Variants in SLC28A3 observed in about 807,000 individuals in gnomAD.
SLC28A3 encodes concentrative Na(+)-nucleoside cotransporter 3.
A neutral mutation model predicts 84.2 loss-of-function variants in SLC28A3; 68 were observed. That is an observed-to-expected ratio of 0.81 (90% CI 0.66 to 0.99). The LOEUF (loss-of-function observed/expected upper bound fraction) is 0.99. SLC28A3 is among the 50% of genes least tolerant of loss of function. SLC28A3 has a pLI of 0.00. For synonymous variants in SLC28A3, 267 were observed against 303.6 expected, an observed-to-expected ratio of 0.88 and a Z score of 1.25; for missense variants, 712 against 841.5, an observed-to-expected ratio of 0.85 and a Z score of 1.90.
In SLC28A3 at chr9:84,294,306, G is replaced by A. The variant is rs774547643; in HGVS notation, c.862-31C>T. The stretch of plus-strand genomic sequence containing the variant: ...GGGACAGAAACAAACATGGATTAAT[G>A]ATGGGTCCAGCTGCACCAGCAGGTT... On this transcript the variant is annotated intron_variant, in intron 8 of 17. Coordinates refer to ENST00000376238, the MANE Select transcript of SLC28A3 (RefSeq NM_001199633.2). 4 of 1,608,918 alleles carry A rather than the reference G, an allele frequency of 2.5e-6. No homozygotes were observed. In the South Asian group the frequency reaches 4.4e-5, roughly 18 times the overall value.
At chr9:84,344,690 TTA>T (rs1228390563), upstream of SLC28A3, among the ~76,000 whole-genome samples, 2 of 136,628 alleles carry the variant, frequency 1.5e-5, no homozygotes, top group African/African-American at 6.3e-5. Context: ...TCCACAATCT[TTA>T]TCTTAGCCTG....
rs140098992 is a variant in SLC28A3, at chr9:84,302,347, T to C, written c.377A>G (p.His126Arg). Reference protein sequence around the residue: ...MVISACVLNFHRALPLFVITV... With the variant: ...MVISACVLNFRRALPLFVITV... ...GATCACAAAAAGAGGAAGGGCTCTG[T>C]GAAAGTTCAGCACACAGGCCGAAAT... The change falls in exon 5 of 18, where the codon CAC (histidine) becomes CGC (arginine). Residue 126 changes from histidine to arginine, a missense_variant. His to Arg is a conservative substitution (Grantham distance 29, BLOSUM62 0). Transcript: ENST00000376238. 1 of 1,614,028 alleles carries C rather than the reference T, an allele frequency of 6.2e-7. No individual in the cohort carries two copies. Among genetic ancestry groups the C allele is most frequent in the Non-Finnish European group, 8.5e-7 (1 of 1,179,978 alleles).
At chr9:84,311,942 AT>A (rs1340493170) in intron 2 of SLC28A3, among the ~76,000 whole-genome samples, 2 of 152,174 alleles carry the variant, frequency 1.3e-5, no homozygotes, top group Non-Finnish European at 2.9e-5. Context: ...ATAGTTTTGC[AT>A]TTTCCAGAAT....
chr9:84,278,315 A>G lies in SLC28A3; in HGVS notation c.1979T>C (p.Ile660Thr), dbSNP rs772386846. 1.2e-6 allele frequency: 2 copies of G among 1,614,022 alleles called. No individual in the cohort carries two copies. Among genetic ancestry groups the G allele is most frequent in the Non-Finnish European group, 1.7e-6 (2 of 1,180,018 alleles). Reference sequence around the variant, plus strand: ...ATACAGACTGTGGTTTCCTCCTGGGATGACTTCACCAGGACCCTTGGCAAC... The same window carrying G: ...ATACAGACTGTGGTTTCCTCCTGGGGTGACTTCACCAGGACCCTTGGCAAC... ...STVAKGPGEVIPGGNHSLYSL... is the reference protein window; with the variant it reads ...STVAKGPGEVTPGGNHSLYSL... The change falls in exon 18 of 18, where the codon ATC (isoleucine) becomes ACC (threonine). Residue 660 changes from isoleucine (I) to threonine (T), a missense_variant. By Grantham distance (89) the Ile-to-Thr change is moderately conservative. Coordinates refer to ENST00000376238, the MANE Select transcript of SLC28A3 (RefSeq NM_001199633.2).
At chr9:84,324,231 A>G (rs1826475325) in intron 1 of SLC28A3, among the ~76,000 whole-genome samples, 1 of 152,112 alleles carries the variant, frequency 6.6e-6, no homozygotes, top group South Asian at 2.1e-4. Context: ...TTTTCTTTCA[A>G]ACCTCCCTGG....
intron 3 of SLC28A3, among the ~76,000 whole-genome samples, chr9:84,306,799 G>C (rs1034757503): frequency 2.0e-5 from 3 of 152,042 alleles, no homozygotes; most frequent in African/African-American, 7.2e-5. Flanking sequence ...ATCTGAAACA[G>C]TATTTTACAG....
At position 84,296,432 on chromosome 9, in the gene SLC28A3, A is replaced by G. The variant is rs535352693; in HGVS notation, c.861+789T>C. 1.4e-3 allele frequency among the ~76,000 whole-genome samples: 216 copies of G among 152,294 alleles called. 1 individual carries two copies. Among genetic ancestry groups the G allele is most frequent in the African/African-American group, 4.9e-3 (204 of 41,568 alleles). On this transcript the variant is annotated intron_variant, in intron 8 of 17. Transcript: ENST00000376238. Reference sequence around the variant, plus strand: ...TGAAGCTGGGGTAATTTGGAGGTAAATTTGGAGTCTCTAAGTGAGAAAACA... The same window carrying G: ...TGAAGCTGGGGTAATTTGGAGGTAAGTTTGGAGTCTCTAAGTGAGAAAACA...
chr9:84,297,262 C>T lies in SLC28A3; in HGVS notation c.820G>A (p.Val274Ile). 1 of 1,613,474 alleles carries T rather than the reference C, an allele frequency of 6.2e-7. No homozygotes were observed. The highest frequency in any genetic ancestry group is 8.5e-7 in the Non-Finnish European group (1 of 1,179,828). ...LEYTDAGASF[V>I]FGEKYKDHFF... ...TGGTCTTTGTATTTCTCACCAAAGA[C>T]AAATGAAGCACCAGCATCTGTGTAC... The change falls in exon 8 of 18, where the codon GTC (valine) becomes ATC (isoleucine). Residue 274 changes from valine to isoleucine, a missense_variant. Val to Ile is a conservative substitution (Grantham distance 29). Transcript: ENST00000376238.
rs370428642 is a variant in SLC28A3, at chr9:84,294,310, G to A, written c.862-35C>T. ...CAGAAACAAACATGGATTAATGATGGGTCCAGCTGCACCAGCAGGTTTTAT... is the reference window on the plus strand; with the variant it reads ...CAGAAACAAACATGGATTAATGATGAGTCCAGCTGCACCAGCAGGTTTTAT... On this transcript the variant is annotated intron_variant, in intron 8 of 17. Transcript: ENST00000376238. 111 of 1,605,364 alleles carry A rather than the reference G, an allele frequency of 6.9e-5. No individual in the cohort carries two copies. In the Middle Eastern group the frequency reaches 1.2e-3, roughly 17 times the overall value.
At chr9:84,354,465 T>G in the SLC28A3 span, among the ~76,000 whole-genome samples, 7 of 152,254 alleles carry the variant, frequency 4.6e-5, no homozygotes, top group East Asian at 1.3e-3. Context: ...CCAAAGGATA[T>G]AGGAGTGGCC....
intron 12 of SLC28A3, among the ~76,000 whole-genome samples, chr9:84,286,679 C>T (rs1430682084): frequency 2.0e-5 from 3 of 151,940 alleles, no homozygotes; most frequent in Non-Finnish European, 4.4e-5. Flanking sequence ...TTATAAAATA[C>T]AAATGGTATA....
intron 2 of SLC28A3, among the ~76,000 whole-genome samples, chr9:84,312,449 AAGTTTTCCAAATTGTCT>A (rs1210339644): frequency 6.6e-6 from 1 of 152,018 alleles, no homozygotes; most frequent in Non-Finnish European, 1.5e-5. Context: ...TTGCTACAAT[AAGTTTTCCAAATTGTCT>A]ACTTTAAAAA....
intron 14 of SLC28A3, among the ~76,000 whole-genome samples, chr9:84,282,326 G>A (rs1214858986): frequency 6.6e-6 from 1 of 151,674 alleles, no homozygotes; most frequent in Non-Finnish European, 1.5e-5. Flanking sequence ...TAGTCTATAT[G>A]TCGATTATAG....
intron 16 of SLC28A3, among the ~76,000 whole-genome samples, chr9:84,279,749 C>T (rs1033089000): frequency 2.0e-5 from 3 of 152,226 alleles, no homozygotes; most frequent in Non-Finnish European, 4.4e-5. Flanking sequence ...GCCACTGCAC[C>T]CGGCCCCATT....
the SLC28A3 span, among the ~76,000 whole-genome samples, chr9:84,362,016 G>C: frequency 7.2e-5 from 11 of 152,132 alleles, no homozygotes; most frequent in Non-Finnish European, 1.5e-4. Flanking sequence ...CCAGTACTTC[G>C]TGTCCCTTAT....
the SLC28A3 span, among the ~76,000 whole-genome samples, chr9:84,368,089 G>A: frequency 6.6e-6 from 1 of 152,090 alleles, no homozygotes; most frequent in African/African-American, 2.4e-5. Flanking sequence ...TGTCTCAGTG[G>A]GGGGAAACCT....
In SLC28A3 at chr9:84,275,831, A is replaced by G. The variant is rs1158874431; in HGVS notation, c.*2387T>C. 1 of 152,232 alleles carries G rather than the reference A, an allele frequency of 6.6e-6. No homozygotes were observed. Among genetic ancestry groups the G allele is most frequent in the Non-Finnish European group, 1.5e-5 (1 of 68,046 alleles). 9.4% of individuals were successfully genotyped at this position (152,232 alleles called of 1,614,324 possible). A position where few individuals can be genotyped will look rare whatever the true frequency, so the allele number is the denominator to read the frequency against. Reference sequence around the variant, plus strand: ...CTCAGTTCAAGGATGCACAGCATTAATAAGGAATCAACGTAGGACCTATGT... The same window carrying G: ...CTCAGTTCAAGGATGCACAGCATTAGTAAGGAATCAACGTAGGACCTATGT... On this transcript the variant is annotated 3_prime_UTR_variant, in exon 18 of 18. Coordinates refer to ENST00000376238, the MANE Select transcript of SLC28A3 (RefSeq NM_001199633.2).
chr9:84,359,145 C>A, the SLC28A3 span, among the ~76,000 whole-genome samples: 1 of 152,168 alleles, frequency 6.6e-6, no homozygotes, highest in East Asian at 1.9e-4. Flanking sequence ...GTTTTGATCT[C>A]CGGTTGCCAC....
chr9:84,355,444 A>G, the SLC28A3 span, among the ~76,000 whole-genome samples: 17 of 152,186 alleles, frequency 1.1e-4, 1 homozygote, highest in Admixed American at 9.2e-4. Flanking sequence ...TCTTGGGGGA[A>G]AAAAACACGT....
Sources: allele counts gnomAD v4.1 joint callset (sites outside exome capture counted in the v4.1 genomes callset), GRCh38; gene constraint gnomAD v4.1.1; transcripts MANE v1.5; gene names NCBI Gene and HGNC (gene_info 2026-07-23, HGNC 2026-07-21).